PIGU: variants seen among roughly 807,000 people sequenced by gnomAD.
The protein encoded by PIGU is GPI-anchor transamidase component PIGU.
In PIGU, 24 loss-of-function variants were observed where a neutral mutation model predicts 49.9. That is an observed-to-expected ratio of 0.48 (90% CI 0.35 to 0.68). PIGU has a LOEUF of 0.68. Among genes scored for constraint, PIGU ranks in the 30% least tolerant of loss-of-function variants. PIGU has a pLI of 0.01. For missense variants in PIGU, 490 were observed against 532.6 expected (o/e 0.92, Z 0.79); for synonymous variants, 220 against 205.7 (o/e 1.07, Z -0.59).
intron 2 of PIGU, among the ~76,000 whole-genome samples, chr20:34,652,761 T>C (rs1188776727): frequency 5.3e-5 from 8 of 152,204 alleles, no homozygotes; most frequent in Non-Finnish European, 1.2e-4. Context: ...TATTTGGGGA[T>C]TCTCTAGATA....
chr20:34,618,352 A>G (rs1985087789), intron 6 of PIGU, among the ~76,000 whole-genome samples: 1 of 152,224 alleles, frequency 6.6e-6, no homozygotes, highest in South Asian at 2.1e-4. Flanking sequence ...TTACAACAGG[A>G]GTTTCCAAGT....
At chr20:34,601,172 G>T (rs181486159) in intron 7 of PIGU, among the ~76,000 whole-genome samples, 97 of 152,060 alleles carry the variant, frequency 6.4e-4, no homozygotes, top group Non-Finnish European at 1.3e-3. Flanking sequence ...TGTTTTATTC[G>T]ACCTAAAGTG....
At chr20:34,676,338 A>G (rs1388645108) in intron 1 of PIGU, among the ~76,000 whole-genome samples, 1 of 152,152 alleles carries the variant, frequency 6.6e-6, no homozygotes, top group African/African-American at 2.4e-5. Context: ...TATTATAACG[A>G]TTTGTCTCCC....
chr20:34,675,868 A>T (rs886222174), intron 1 of PIGU, among the ~76,000 whole-genome samples: 1 of 152,066 alleles, frequency 6.6e-6, no homozygotes, highest in Non-Finnish European at 1.5e-5. Context: ...AAACAAAAAC[A>T]AAAAAACTTT....
chr20:34,568,443 A>G (rs746325224), intron 11 of PIGU, among the ~76,000 whole-genome samples: 9 of 152,218 alleles, frequency 5.9e-5, no homozygotes, highest in Non-Finnish European at 1.2e-4. Flanking sequence ...GGCACCGCAT[A>G]TCGGGAGCAA....
At chr20:34,639,439 CAT>C (rs1986078873) in intron 4 of PIGU, among the ~76,000 whole-genome samples, 1 of 151,724 alleles carries the variant, frequency 6.6e-6, no homozygotes, top group Non-Finnish European at 1.5e-5. Flanking sequence ...TATTTAGTAA[CAT>C]ATATAATAAA....
chr20:34,645,439 A>C, intron 2 of PIGU, 105 bp from the exon 3 acceptor site: 1 of 1,336,102 alleles, frequency 7.5e-7, no homozygotes, highest in South Asian at 2.0e-5. Context: ...GCAAACTATT[A>C]TGCTAGTATT....
chr20:34,640,079 CAG>C (rs967452172), intron 4 of PIGU, among the ~76,000 whole-genome samples: 3 of 152,184 alleles, frequency 2.0e-5, no homozygotes, highest in African/African-American at 7.2e-5. Flanking sequence ...GGCAGCCAGA[CAG>C]ACAGGTGGGA....
chr20:34,628,928 CA>C, intron 6 of PIGU, among the ~76,000 whole-genome samples: 1 of 152,166 alleles, frequency 6.6e-6, no homozygotes, highest in Admixed American at 6.5e-5. Context: ...TTCCCCCCAC[CA>C]TGTCCAGGCC....
At chr20:34,592,634 G>A (rs1010459992) in intron 7 of PIGU, among the ~76,000 whole-genome samples, 3 of 152,042 alleles carry the variant, frequency 2.0e-5, no homozygotes, top group African/African-American at 7.2e-5. Context: ...AAAAAGAAGT[G>A]GAGATCAAAG....
intron 1 of PIGU, 87 bp from the exon 2 acceptor site, chr20:34,657,331 T>G: frequency 1.1e-6 from 1 of 946,902 alleles, no homozygotes; most frequent in South Asian, 1.4e-5. Context: ...AAAAAGGGCC[T>G]TAGCGTTTAT....
At chr20:34,620,705 G>A (rs1410987466) in intron 6 of PIGU, among the ~76,000 whole-genome samples, 1 of 151,614 alleles carries the variant, frequency 6.6e-6, no homozygotes, top group Non-Finnish European at 1.5e-5. Flanking sequence ...CAGCTACTCG[G>A]GAGGCTGAGG....
chr20:34,587,655 AC>A (rs920059172), intron 8 of PIGU, among the ~76,000 whole-genome samples: 19 of 152,026 alleles, frequency 1.2e-4, no homozygotes, highest in African/African-American at 4.6e-4. Flanking sequence ...CCATTCTCCC[AC>A]CCTGCCGGCA....
chr20:34,652,314 CA>C (rs1170516179), intron 2 of PIGU, among the ~76,000 whole-genome samples: 8 of 152,136 alleles, frequency 5.3e-5, no homozygotes, highest in Non-Finnish European at 1.2e-4. Context: ...CTCAGTTTGA[CA>C]AATTTTGACC....
At chr20:34,605,505 T>A (rs1301988265) in intron 7 of PIGU, among the ~76,000 whole-genome samples, 1 of 152,232 alleles carries the variant, frequency 6.6e-6, no homozygotes, top group African/African-American at 2.4e-5. Context: ...TGTCCTTTCA[T>A]GAACATTTGA....
chr20:34,645,206 G>T, intron 3 of PIGU, 69 bp downstream of exon 3: 7 of 1,332,604 alleles, frequency 5.3e-6, no homozygotes, highest in Admixed American at 3.4e-5. Context: ...AAAAAAAAGA[G>T]AGAGAGAGAC....
intron 8 of PIGU, among the ~76,000 whole-genome samples, chr20:34,586,943 A>G (rs1983719934): frequency 6.6e-6 from 1 of 152,168 alleles, no homozygotes; most frequent in Admixed American, 6.5e-5. Flanking sequence ...TTTTTGTGTG[A>G]AAAATCAGAC....
At chr20:34,628,388 A>G (rs1181016827) in intron 6 of PIGU, among the ~76,000 whole-genome samples, 1 of 152,188 alleles carries the variant, frequency 6.6e-6, no homozygotes, top group East Asian at 1.9e-4. Flanking sequence ...TTCTATTTCT[A>G]GGACATTATA....
Position 34,620,637 on chromosome 20 carries a change from C to T in PIGU, c.530-4498G>A, listed in dbSNP as rs191739817. On this transcript the variant is annotated intron_variant, in intron 6 of 11. Coordinates refer to ENST00000217446, the MANE Select transcript of PIGU (RefSeq NM_080476.5). ...CCATCCTGACTAACACGGTGAAACC[C>T]TGTTTCTACTAAAAATACAAAAAAT... 3.3e-4 allele frequency among the ~76,000 whole-genome samples: 50 copies of T among 152,002 alleles called. No homozygotes were observed. In the East Asian group the frequency reaches 7.4e-3, roughly 22 times the overall value.
Sources: gnomAD v4.1 joint callset for allele counts (sites outside exome capture counted in the v4.1 genomes callset) on GRCh38, gnomAD v4.1.1 for gene constraint, MANE v1.5 for transcripts, NCBI Gene and HGNC (gene_info 2026-07-23, HGNC 2026-07-21) for gene names.